NTM: variants seen among roughly 807,000 people sequenced by gnomAD.
The protein encoded by NTM is IgLON family member 2.
NTM carries 13 observed loss-of-function variants against 42.1 expected under a neutral mutation model. The observed-to-expected ratio is 0.31, with a 90% confidence interval of 0.20 to 0.49. NTM has a LOEUF of 0.49. NTM is among the 20% of genes least tolerant of loss of function. The pLI is 0.99. For synonymous variants in NTM, 187 were observed against 179.2 expected (o/e 1.04, Z -0.35); for missense variants, 373 against 452.8 (o/e 0.82, Z 1.60).
chr11:131,831,183 G>A (rs987036677), intron 1 of NTM, among the ~76,000 whole-genome samples: 14 of 152,222 alleles, frequency 9.2e-5, no homozygotes, highest in African/African-American at 3.4e-4. Context: ...GATTGCTGTG[G>A]ATAGGACTTG....
chr11:131,704,113 T>C (rs995790131), intron 1 of NTM, among the ~76,000 whole-genome samples: 1 of 152,174 alleles, frequency 6.6e-6, no homozygotes, highest in African/African-American at 2.4e-5. Flanking sequence ...TTAGGATCCC[T>C]GAGGACTCAA....
chr11:132,105,417 AT>A (rs1591543492), intron 2 of NTM, among the ~76,000 whole-genome samples: 1 of 152,118 alleles, frequency 6.6e-6, no homozygotes, highest in African/African-American at 2.4e-5. Context: ...AAATTCAATG[AT>A]TGGGAGAGAA....
At chr11:131,884,386 G>A (rs1294187960) in intron 1 of NTM, among the ~76,000 whole-genome samples, 1 of 151,968 alleles carries the variant, frequency 6.6e-6, no homozygotes, top group African/African-American at 2.4e-5. Context: ...TCCAGCCTGA[G>A]CAACAAGAGC....
chr11:131,758,115 T>C (rs2083578158), intron 1 of NTM, among the ~76,000 whole-genome samples: 1 of 152,204 alleles, frequency 6.6e-6, no homozygotes, highest in South Asian at 2.1e-4. Flanking sequence ...AAGCCCAAGA[T>C]TTAAGTTCAA....
At chr11:132,004,718 G>A (rs889169458) in intron 2 of NTM, among the ~76,000 whole-genome samples, 2 of 151,876 alleles carry the variant, frequency 1.3e-5, no homozygotes, top group Non-Finnish European at 2.9e-5. Context: ...ATCAGCATAT[G>A]TGTGGTAGGA....
At chr11:131,911,347 C>A in intron 1 of NTM, 1 of 1,511,900 alleles carries the variant, frequency 6.6e-7, no homozygotes, top group Non-Finnish European at 8.9e-7. Context: ...CTTTTCTCCT[C>A]CCCGCGCCTC....
In NTM at chr11:131,427,315, G is replaced by C. The variant is rs548571305; in HGVS notation, c.82+56427G>C. ...TAGGCATTAACTGTGAAAATGTCTA[G>C]TCAGAATGTCTTTAAAATGGCAGCT... On this transcript the variant is annotated intron_variant, in intron 1 of 8. Coordinates refer to ENST00000683400, the MANE Select transcript of NTM (RefSeq NM_001352005.2). Among the ~76,000 whole-genome samples the C allele has an allele frequency of 4.2e-4, 64 of 152,250 alleles. 1 individual carries two copies. Among genetic ancestry groups the C allele is most frequent in the African/African-American group, 1.5e-3 (64 of 41,550 alleles).
chr11:131,514,606 G>T (rs955189432), intron 1 of NTM, among the ~76,000 whole-genome samples: 1 of 151,920 alleles, frequency 6.6e-6, no homozygotes, highest in Admixed American at 6.6e-5. Context: ...TTGAGACAGG[G>T]TCTCACTCTT....
chr11:132,199,673 A>G (rs1357785280), intron 3 of NTM, among the ~76,000 whole-genome samples: 1 of 151,236 alleles, frequency 6.6e-6, no homozygotes, highest in East Asian at 1.9e-4. Flanking sequence ...GGAACTGGTG[A>G]GCGAGAAAGA....
intron 1 of NTM, among the ~76,000 whole-genome samples, chr11:131,613,830 G>A (rs1011061609): frequency 2.6e-5 from 4 of 152,046 alleles, no homozygotes; most frequent in Non-Finnish European, 2.9e-5. Context: ...TAAAGCTGGC[G>A]GGAGCCTGGG....
At chr11:131,377,957 A>G (rs998689187) in intron 1 of NTM, among the ~76,000 whole-genome samples, 1 of 152,160 alleles carries the variant, frequency 6.6e-6, no homozygotes, top group African/African-American at 2.4e-5. Context: ...ACATTGCCCA[A>G]CTTGATCTCA....
At chr11:131,852,271 T>A (rs2045641851) in intron 1 of NTM, among the ~76,000 whole-genome samples, 1 of 152,062 alleles carries the variant, frequency 6.6e-6, no homozygotes, top group African/African-American at 2.4e-5. Flanking sequence ...ATCTAAAAGG[T>A]CTAAAATCTG....
intron 1 of NTM, among the ~76,000 whole-genome samples, chr11:131,876,724 C>A (rs1400025677): frequency 6.6e-6 from 1 of 152,196 alleles, no homozygotes. Context: ...GTGAGACAAC[C>A]TCATTTTTTT....
At chr11:132,187,242 TGTGTGC>T (rs1163138567) in intron 3 of NTM, among the ~76,000 whole-genome samples, 2 of 116,740 alleles carry the variant, frequency 1.7e-5, no homozygotes. Flanking sequence ...TGTGTGTGTG[TGTGTGC>T]GTGTGCGTGT....
At chr11:131,755,657 G>C (rs749949710) in intron 1 of NTM, among the ~76,000 whole-genome samples, 9 of 152,100 alleles carry the variant, frequency 5.9e-5, no homozygotes, top group Non-Finnish European at 1.3e-4. Context: ...ATTATCACCA[G>C]GATGTTCAAA....
rs894609734 is a variant in NTM at position 131,615,734 on chromosome 11, TCAGCTCC to T, written c.82+244857_82+244863del. Among the ~76,000 whole-genome samples, 18 of 152,288 alleles carry T rather than the reference TCAGCTCC, an allele frequency of 1.2e-4. No individual in the cohort carries two copies. The East Asian group carries it at 3.3e-3, about 28-fold the overall frequency. ...TGGGATGTTCAGGACATGGCTCCCGTCAGCTCCCAGCTCCCAGACAGCAGGGATTTTT... is the reference window on the plus strand; with the variant it reads ...TGGGATGTTCAGGACATGGCTCCCGTCAGCTCCCAGACAGCAGGGATTTTT... On this transcript the variant is annotated intron_variant, in intron 1 of 8. Coordinates refer to ENST00000683400, the MANE Select transcript of NTM (RefSeq NM_001352005.2).
chr11:132,087,517 GC>G lies in NTM; in HGVS notation c.168-58763del, dbSNP rs1051815273. 2.1e-4 allele frequency among the ~76,000 whole-genome samples: 32 copies of G among 152,132 alleles called. 1 individual carries two copies. Among genetic ancestry groups the G allele is most frequent in the Non-Finnish European group, 3.5e-4 (24 of 68,032 alleles). On this transcript the variant is annotated intron_variant, in intron 2 of 8. Transcript: ENST00000683400. The stretch of plus-strand genomic sequence containing the variant: ...GACAAAGGAACTGCCTCAAGGAGGT[GC>G]CTGGTCTCATCAATCCCCCAGTGAC...
chr11:131,468,401 C>T (rs767402741), intron 1 of NTM, among the ~76,000 whole-genome samples: 1 of 152,216 alleles, frequency 6.6e-6, no homozygotes, highest in East Asian at 1.9e-4. Context: ...TAGCACATGC[C>T]AGCTGCATCT....
At chr11:132,299,905 G>A (rs191390458) in intron 4 of NTM, among the ~76,000 whole-genome samples, 19 of 151,820 alleles carry the variant, frequency 1.3e-4, no homozygotes, top group South Asian at 8.3e-4. Context: ...ATATATGTAC[G>A]TATATTACAT....
Sources: allele counts gnomAD v4.1 joint callset (sites outside exome capture counted in the v4.1 genomes callset), GRCh38; gene constraint gnomAD v4.1.1; transcripts MANE v1.5; gene names NCBI Gene and HGNC (gene_info 2026-07-23, HGNC 2026-07-21).